Variants in HOXA7 observed in about 807,000 individuals in gnomAD.
The protein encoded by HOXA7 is homeobox protein Hox-A7.
A neutral mutation model predicts 16.8 loss-of-function variants in HOXA7; 16 were observed. The ratio of observed to expected loss-of-function variants is 0.95; its 90% confidence interval spans 0.64 to 1.44. HOXA7 has a LOEUF of 1.44. Ranked by LOEUF, HOXA7 falls within the 40% of genes most tolerant of loss-of-function variation. The pLI is 0.00. For missense variants in HOXA7, 379 were observed against 328.6 expected, an observed-to-expected ratio of 1.15 and a Z score of -1.19; for synonymous variants, 169 against 144.3, an observed-to-expected ratio of 1.17 and a Z score of -1.23.
In HOXA7 at chr7:27,156,570, C is replaced by T. The variant is rs1470467071; in HGVS notation, c.-25G>A. 1.3e-6 allele frequency: 2 copies of T among 1,545,628 alleles called. No homozygotes were observed. The highest frequency in any genetic ancestry group is 3.9e-5 in the Admixed American group (2 of 51,108). On this transcript the variant is annotated 5_prime_UTR_variant, in exon 1 of 2. Transcript: ENST00000242159. ...TAATTTTGACCTGTGATTTGTTGTC[C>T]GGCAGCTTTCAGTGTCGGTTTTACG...
chr7:27,154,670 G>A lies in HOXA7; in HGVS notation c.*239C>T, dbSNP rs1157557264. The A allele has an allele frequency of 6.8e-6, 4 of 589,712 alleles. No homozygotes were observed. The highest frequency in any genetic ancestry group is 1.9e-5 in the African/African-American group (1 of 53,468). The allele number at this position is 589,712 out of a possible 1,614,324, so 36.5% of individuals were successfully genotyped here. On this transcript the variant is annotated 3_prime_UTR_variant, in exon 2 of 2. Transcript: ENST00000242159. ...GTTGGGGGTGTCTTTTGGGGTCCTC[G>A]GAGGCAGAGGGAATCCAAGGCGACC...
In HOXA7 at chr7:27,154,686, C is replaced by A; in HGVS notation, c.*223G>T. 1.5e-6 allele frequency: 1 copy of A among 646,008 alleles called. No individual in the cohort carries two copies. The highest frequency in any genetic ancestry group is 2.9e-5 in the East Asian group (1 of 34,174). 40.0% of individuals were successfully genotyped at this position (646,008 alleles called of 1,614,324 possible). On this transcript the variant is annotated 3_prime_UTR_variant, in exon 2 of 2. Coordinates refer to ENST00000242159, the MANE Select transcript of HOXA7 (RefSeq NM_006896.4). ...GGGGTCCTCGGAGGCAGAGGGAATC[C>A]AAGGCGACCCAGTCTCTGCGGCCGC... is the stretch of plus-strand genomic sequence containing the variant.
Position 27,154,528 on chromosome 7 carries a change from T to C in HOXA7, c.*381A>G, listed in dbSNP as rs1367270457. ...TGCCAGTGTTGGGATACATAGGGAC[T>C]TCCTGGGAATGGAGGCCCTCTGGGG... On this transcript the variant is annotated 3_prime_UTR_variant, in exon 2 of 2. Transcript: ENST00000242159. 5.0e-6 allele frequency: 1 copy of C among 200,280 alleles called. No homozygotes were observed. Among genetic ancestry groups the C allele is most frequent in the African/African-American group, 2.3e-5 (1 of 42,796 alleles). 12.4% of individuals were successfully genotyped at this position (200,280 alleles called of 1,614,324 possible).
chr7:27,155,930 T>G (rs1783097932), intron 1 of HOXA7: 1 of 401,150 alleles, frequency 2.5e-6, no homozygotes, highest in African/African-American at 2.1e-5. Context: ...ACCCATTAAT[T>G]GGGCCATAAA....
chr7:27,154,782 CTTTTTT>C lies in HOXA7; in HGVS notation c.*121_*126del, dbSNP rs1783072626. On this transcript the variant is annotated 3_prime_UTR_variant, in exon 2 of 2. Transcript: ENST00000242159. Reference sequence around the variant, plus strand: ...AGAGTGCAGGTTGGGGACTGGGTTGCTTTTTTGTTTTTGTTTTTGTTTTTTACATTT... The same window carrying C: ...AGAGTGCAGGTTGGGGACTGGGTTGCGTTTTTGTTTTTGTTTTTTACATTT... 4 of 1,398,744 alleles carry C rather than the reference CTTTTTT, an allele frequency of 2.9e-6. No homozygotes were observed. In the East Asian group the frequency reaches 1.0e-4, roughly 35 times the overall value. 86.6% of individuals were successfully genotyped at this position (1,398,744 alleles called of 1,614,324 possible).
chr7:27,156,077 C>G, intron 1 of HOXA7, 90 bp downstream of exon 1: 1 of 1,361,460 alleles, frequency 7.3e-7, no homozygotes, highest in Non-Finnish European at 9.5e-7. Flanking sequence ...CTCTTCCGGC[C>G]CCGCGCCCCG....
Position 27,156,224 on chromosome 7 carries a change from C to T in HOXA7, c.322G>A (p.Ala108Thr), listed in dbSNP as rs1000360737. ...TTGGCCTCAGCCGCGCCATGCAGCG[C>T]GCCCTCGTCCGTCTTGTCGCAGGCG... ...KGACDKTDEGALHGAAEANFR... is the reference protein window; with the variant it reads ...KGACDKTDEGTLHGAAEANFR... The change falls in exon 1 of 2, where the codon GCG becomes ACG. Residue 108 changes from alanine (A) to threonine (T), a missense_variant. Coordinates refer to ENST00000242159, the MANE Select transcript of HOXA7 (RefSeq NM_006896.4). 1.9e-6 allele frequency: 3 copies of T among 1,601,718 alleles called. No individual in the cohort carries two copies. Among genetic ancestry groups the T allele is most frequent in the South Asian group, 2.2e-5 (2 of 90,388 alleles).
rs1311835903 is a variant in HOXA7 at position 27,153,947 on chromosome 7, C to A, written c.*962G>T. The A allele has an allele frequency of 6.6e-6, 1 of 152,622 alleles. No individual in the cohort carries two copies. Among genetic ancestry groups the A allele is most frequent in the Non-Finnish European group, 1.5e-5 (1 of 68,064 alleles). 9.5% of individuals were successfully genotyped at this position (152,622 alleles called of 1,614,324 possible). A position where few individuals can be genotyped will look rare whatever the true frequency, so the allele number is the denominator to read the frequency against. On this transcript the variant is annotated 3_prime_UTR_variant, in exon 2 of 2. Transcript: ENST00000242159. ...ACATCCTTTCCAAGTCAAGACACTG[C>A]CTTACAAATGAACTCCAAGACTATA...
intron 1 of HOXA7, 86 bp downstream of exon 1, chr7:27,156,081 C>G (rs1357388513): frequency 6.6e-5 from 90 of 1,364,844 alleles, no homozygotes; most frequent in Middle Eastern, 2.7e-4. Flanking sequence ...TCCGGCCCCG[C>G]GCCCCGCGCT....
Position 27,154,093 on chromosome 7 carries a change from A to C in HOXA7, c.*816T>G, listed in dbSNP as rs891267719. The C allele has an allele frequency of 6.6e-6, 1 of 152,318 alleles. No individual in the cohort carries two copies. The highest frequency in any genetic ancestry group is 1.5e-5 in the Non-Finnish European group (1 of 68,076). 9.4% of individuals were successfully genotyped at this position (152,318 alleles called of 1,614,324 possible). On this transcript the variant is annotated 3_prime_UTR_variant, in exon 2 of 2. Coordinates refer to ENST00000242159, the MANE Select transcript of HOXA7 (RefSeq NM_006896.4). ...CAGGAGCCAGAGGAAAGGACAGCGA[A>C]GCTGGAAGCATCTCCACAGTCCTGC...
At position 27,156,400 on chromosome 7, in the gene HOXA7, G is replaced by A. The variant is rs750774350; in HGVS notation, c.146C>T (p.Ser49Leu). 1 of 1,613,806 alleles carries A rather than the reference G, an allele frequency of 6.2e-7. No homozygotes were observed. The highest frequency in any genetic ancestry group is 8.5e-7 in the Non-Finnish European group (1 of 1,179,786). The change falls in exon 1 of 2, where the codon TCG becomes TTG. Residue 49 changes from serine to leucine, a missense_variant. Transcript: ENST00000242159. The stretch of plus-strand genomic sequence containing the variant: ...GACATTGTATAAGCCCGGAACGGTC[G>A]AGGCGAAGGCGCCGGCGCCCGCCCC... ...GYGAGAGAFA[S>L]TVPGLYNVNS... is the part of the protein sequence containing the mutation.
At chr7:27,156,065 C>T in intron 1 of HOXA7, 102 bp downstream of exon 1, 1 of 1,333,608 alleles carries the variant, frequency 7.5e-7, no homozygotes, top group South Asian at 1.9e-5. Flanking sequence ...AGCCTGGCTC[C>T]GCTCTTCCGG....
chr7:27,156,161 G>A lies in HOXA7; in HGVS notation c.379+6C>T, dbSNP rs1318467133. On this transcript the variant is annotated splice_donor_region_variant and intron_variant, in intron 1 of 1. Coordinates refer to ENST00000242159, the MANE Select transcript of HOXA7 (RefSeq NM_006896.4). ...CCAGCCTGGCCCGCCTAGCGACTGC[G>A]CCTACCTGAAGACCGCATCCAGGGG... 1.1e-5 allele frequency: 17 copies of A among 1,526,396 alleles called. No homozygotes were observed. Among genetic ancestry groups the A allele is most frequent in the Admixed American group, 2.1e-5 (1 of 47,734 alleles). 94.6% of individuals were successfully genotyped at this position (1,526,396 alleles called of 1,614,324 possible). A position where few individuals can be genotyped will look rare whatever the true frequency, so the allele number is the denominator to read the frequency against.
Position 27,154,689 on chromosome 7 carries a change from G to A in HOXA7, c.*220C>T. 2 of 654,458 alleles carry A rather than the reference G, an allele frequency of 3.1e-6. No individual in the cohort carries two copies. Among genetic ancestry groups the A allele is most frequent in the Non-Finnish European group, 5.0e-6 (2 of 403,384 alleles). 40.5% of individuals were successfully genotyped at this position (654,458 alleles called of 1,614,324 possible). ...GTCCTCGGAGGCAGAGGGAATCCAA[G>A]GCGACCCAGTCTCTGCGGCCGCTCA... On this transcript the variant is annotated 3_prime_UTR_variant, in exon 2 of 2. Transcript: ENST00000242159.
Position 27,154,894 on chromosome 7 carries a change from C to A in HOXA7, c.*15G>T. ...TTCCGACTGTCCGGTGCAGAGAGGG[C>A]CCCGGATCGGCCCCTCATTCCTCCT... On this transcript the variant is annotated 3_prime_UTR_variant, in exon 2 of 2. Coordinates refer to ENST00000242159, the MANE Select transcript of HOXA7 (RefSeq NM_006896.4). The A allele has an allele frequency of 6.2e-7, 1 of 1,600,374 alleles. No homozygotes were observed. Among genetic ancestry groups the A allele is most frequent in the Non-Finnish European group, 8.5e-7 (1 of 1,171,014 alleles).
chr7:27,154,852 G>T lies in HOXA7; in HGVS notation c.*57C>A. On this transcript the variant is annotated 3_prime_UTR_variant, in exon 2 of 2. Coordinates refer to ENST00000242159, the MANE Select transcript of HOXA7 (RefSeq NM_006896.4). ...CCATTTTTGTAAGTAAAACCAGTGA[G>T]TCTCTTAAAGACGCTTTTCCGACTG... is the stretch of plus-strand genomic sequence containing the variant. The T allele has an allele frequency of 6.5e-7, 1 of 1,531,280 alleles. No homozygotes were observed. The highest frequency in any genetic ancestry group is 8.8e-7 in the Non-Finnish European group (1 of 1,141,910). The allele number at this position is 1,531,280 out of a possible 1,614,324, so 94.9% of individuals were successfully genotyped here.
rs947290705 is a variant in HOXA7 at position 27,154,616 on chromosome 7, C to A, written c.*293G>T. 2 of 432,564 alleles carry A rather than the reference C, an allele frequency of 4.6e-6. No individual in the cohort carries two copies. Among genetic ancestry groups the A allele is most frequent in the African/African-American group, 2.0e-5 (1 of 49,846 alleles). The allele number at this position is 432,564 out of a possible 1,614,324, so 26.8% of individuals were successfully genotyped here. A position where few individuals can be genotyped will look rare whatever the true frequency, so the allele number is the denominator to read the frequency against. On this transcript the variant is annotated 3_prime_UTR_variant, in exon 2 of 2. Coordinates refer to ENST00000242159, the MANE Select transcript of HOXA7 (RefSeq NM_006896.4). ...GGCCTGTGCTAGGTAGTATTTTGGA[C>A]GCGCCAGAGCAGGGCCGGCTGGCCT...
chr7:27,155,585 GGCCATTCCCCT>G, intron 1 of HOXA7: 1 of 252,600 alleles, frequency 4.0e-6, no homozygotes, highest in Admixed American at 4.9e-5. Context: ...AGATGAGCCC[GGCCATTCCCCT>G]GCCTTGCTAG....
rs1562737314 is a variant in HOXA7 at position 27,155,009 on chromosome 7, GCGGCGGCAGTCGGA to G, written c.579_592del (p.Pro194SerfsTer24). 6.2e-7 allele frequency: 1 copy of G among 1,614,062 alleles called. No homozygotes were observed. The highest frequency in any genetic ancestry group is 2.2e-5 in the East Asian group (1 of 44,878). The stretch of plus-strand genomic sequence containing the variant: ...AGAGGGCACGGCGCCCTCGGGAGCT[GCGGCGGCAGTCGGA>G]CCTTCGTCCTTATGCTCTTTCTTCC... On this transcript the variant is annotated frameshift_variant, in exon 2 of 2. Transcript: ENST00000242159. LOFTEE classifies it low-confidence loss of function (END_TRUNC).
Sources: allele counts gnomAD v4.1 joint callset, GRCh38; gene constraint gnomAD v4.1.1; transcripts MANE v1.5; gene names NCBI Gene and HGNC (gene_info 2026-07-23, HGNC 2026-07-21).